The following AUTS2 variants were observed in gnomAD, a reference collection of about 807,000 sequenced individuals.
AUTS2 encodes activator of transcription and developmental regulator AUTS2.
In AUTS2, 17 loss-of-function variants were observed where a neutral mutation model predicts 112.4. The ratio of observed to expected loss-of-function variants is 0.15; its 90% CI spans 0.10 to 0.23. The LOEUF (loss-of-function observed/expected upper bound fraction) is 0.23, where lower values mean the gene tolerates loss of function less well. Ranked by LOEUF, AUTS2 falls within the 10% of genes least tolerant of loss-of-function variation. AUTS2 has a pLI of 1.00. For synonymous variants in AUTS2, 751 were observed against 702.7 expected, an observed-to-expected ratio of 1.07 and a Z score of -1.09; for missense variants, 1,510 against 1,701.6, an observed-to-expected ratio of 0.89 and a Z score of 1.98.
At chr7:69,987,562 G>A (rs1460917649) in intron 2 of AUTS2, among the ~76,000 whole-genome samples, 1 of 152,030 alleles carries the variant, frequency 6.6e-6, no homozygotes, top group African/African-American at 2.4e-5. Context: ...TGAACTCCTG[G>A]GCTCAAGGGT....
chr7:70,589,862 C>T (rs1186325473), intron 5 of AUTS2, among the ~76,000 whole-genome samples: 3 of 152,224 alleles, frequency 2.0e-5, no homozygotes, highest in Non-Finnish European at 4.4e-5. Flanking sequence ...GCCTGCCTGA[C>T]AGAGCCCCTC....
intron 4 of AUTS2, among the ~76,000 whole-genome samples, chr7:70,361,224 T>TCGGGAGGCTGAGG (rs569033326): frequency 7.0e-4 from 107 of 151,946 alleles, no homozygotes; most frequent in African/African-American, 2.4e-3. Context: ...TCCCAGCTAC[T>TCGGGAGGCTGAGG]CGGGAGGCTG....
At position 70,790,615 on chromosome 7, in the gene AUTS2, C is replaced by A. The variant is rs1415705404; in HGVS notation, c.3399C>A (p.His1133Gln). The A allele has an allele frequency of 1.2e-6, 2 of 1,609,200 alleles. No individual in the cohort carries two copies. Among genetic ancestry groups the A allele is most frequent in the Non-Finnish European group, 1.7e-6 (2 of 1,178,246 alleles). ...GCCACCACCACCACCACCACCACCA[C>A]CCGCTGTCTGTGGACCCTCGGCGGG... Reference protein sequence around the residue: ...DYSHHHHHHHHPLSVDPRREH... With the variant: ...DYSHHHHHHHQPLSVDPRREH... Residue 1133 changes from histidine to glutamine, a missense_variant, in exon 19 of 19, where the codon CAC becomes CAA. Physicochemically the swap from His to Gln is conservative, Grantham distance 24. This residue lies in a region of AUTS2 where 788 missense variants were observed against 797.6 expected (regional missense o/e 0.99). Transcript: ENST00000342771. The surrounding 1 kb of genome is among the most constrained non-coding windows in gnomAD (Gnocchi z 7.6).
At chr7:70,389,155 C>CT (rs1295826080) in intron 4 of AUTS2, among the ~76,000 whole-genome samples, 2 of 151,974 alleles carry the variant, frequency 1.3e-5, no homozygotes, top group Non-Finnish European at 2.9e-5. Flanking sequence ...TGATTTCTGT[C>CT]TTTTTTTTAG....
At chr7:70,619,708 A>G (rs1008584) in intron 5 of AUTS2, among the ~76,000 whole-genome samples, 129,426 of 152,084 alleles carry the variant, frequency 0.85, 55,227 homozygotes, top group South Asian at 0.9. Context: ...GCAAGTAGGT[A>G]AGGGAGAATT....
intron 2 of AUTS2, among the ~76,000 whole-genome samples, chr7:70,067,389 A>G (rs1802544084): frequency 1.3e-5 from 2 of 152,264 alleles, no homozygotes; most frequent in African/African-American, 4.8e-5. Flanking sequence ...AATGATTTAT[A>G]GAAGTGAGAC....
chr7:69,659,451 ATTT>A (rs57592846), intron 1 of AUTS2, among the ~76,000 whole-genome samples: 1 of 137,912 alleles, frequency 7.3e-6, no homozygotes. Context: ...TTGGGAAGCA[ATTT>A]TTTTTTTTTT....
At chr7:69,924,561 CTT>C (rs936822516) in intron 2 of AUTS2, among the ~76,000 whole-genome samples, 3 of 93,076 alleles carry the variant, frequency 3.2e-5, no homozygotes, top group Non-Finnish European at 7.0e-5. Flanking sequence ...TTTTTTTTTT[CTT>C]TTTTTGAGAC....
chr7:70,005,382 T>C (rs975398452), intron 2 of AUTS2, among the ~76,000 whole-genome samples: 4 of 152,174 alleles, frequency 2.6e-5, no homozygotes, highest in African/African-American at 7.2e-5. Flanking sequence ...ATTCATACTT[T>C]GAATTGCTAG....
intron 1 of AUTS2, among the ~76,000 whole-genome samples, chr7:69,691,697 C>T (rs1420247603): frequency 6.6e-6 from 1 of 151,866 alleles, no homozygotes; most frequent in Non-Finnish European, 1.5e-5. Context: ...TGGGCAGCTG[C>T]AGCTGTGCCC....
At chr7:70,160,823 A>G (rs927461212) in intron 4 of AUTS2, among the ~76,000 whole-genome samples, 6 of 152,162 alleles carry the variant, frequency 3.9e-5, no homozygotes. Flanking sequence ...AGCATTTCCA[A>G]TGAAATTGTG....
At chr7:70,683,095 G>A (rs980576833) in intron 5 of AUTS2, among the ~76,000 whole-genome samples, 1 of 152,196 alleles carries the variant, frequency 6.6e-6, no homozygotes, top group East Asian at 1.9e-4. Flanking sequence ...TGCACATACA[G>A]AATTATTTGG....
chr7:69,876,620 G>A (rs564837940), intron 1 of AUTS2, among the ~76,000 whole-genome samples: 2 of 146,306 alleles, frequency 1.4e-5, no homozygotes, highest in African/African-American at 5.0e-5. Context: ...TATTTGATAG[G>A]TGTGAGACAG....
intron 2 of AUTS2, among the ~76,000 whole-genome samples, chr7:70,096,504 TAGG>T (rs1804207890): frequency 6.9e-6 from 1 of 145,928 alleles, no homozygotes; most frequent in African/African-American, 2.6e-5. Flanking sequence ...GAGGCTGAGG[TAGG>T]AGAATCGCTT....
rs182782844 is a variant in AUTS2 at position 69,889,340 on chromosome 7, T to A, written c.310-9946T>A. ...CCAGGAAGATCCAGTTACCAATATT[T>A]TGATACACTGTAATAAGTACATTAA... On this transcript the variant is annotated intron_variant, in intron 1 of 18. Coordinates refer to ENST00000342771, the MANE Select transcript of AUTS2 (RefSeq NM_015570.4). Among the ~76,000 whole-genome samples, 161 of 152,372 alleles carry A rather than the reference T, an allele frequency of 1.1e-3. 1 individual carries two copies. The highest frequency in any genetic ancestry group is 2.5e-3 in the South Asian group (12 of 4,834).
chr7:70,664,938 T>C, intron 5 of AUTS2, among the ~76,000 whole-genome samples: 1 of 152,118 alleles, frequency 6.6e-6, no homozygotes, highest in Non-Finnish European at 1.5e-5. Context: ...CCAGGCGTAG[T>C]GATGCACACC....
intron 2 of AUTS2, among the ~76,000 whole-genome samples, chr7:70,045,429 A>G (rs1338924237): frequency 6.6e-6 from 1 of 152,090 alleles, no homozygotes; most frequent in African/African-American, 2.4e-5. Context: ...TAAATTAATT[A>G]CACATTGTAA....
At chr7:70,241,735 G>A (rs1044853021) in intron 4 of AUTS2, among the ~76,000 whole-genome samples, 2 of 152,148 alleles carry the variant, frequency 1.3e-5, no homozygotes, top group Admixed American at 6.5e-5. Flanking sequence ...ATGCACATAA[G>A]GTCAGGCCTT....
chr7:69,974,146 G>T (rs1038480043), intron 2 of AUTS2, among the ~76,000 whole-genome samples: 2 of 150,978 alleles, frequency 1.3e-5, no homozygotes, highest in Non-Finnish European at 3.0e-5. Context: ...TTCATATTTG[G>T]TGGGTTCTGG....
Sources: allele counts gnomAD v4.1 joint callset (sites outside exome capture counted in the v4.1 genomes callset), GRCh38; gene constraint gnomAD v4.1.1; regional missense constraint gnomAD v4.1.1; non-coding constraint Gnocchi (gnomAD v3.1); transcripts MANE v1.5; gene names NCBI Gene and HGNC (gene_info 2026-07-23, HGNC 2026-07-21).